Variants in LTBP1 observed in about 807,000 individuals in gnomAD.
LTBP1 encodes the protein latent-transforming growth factor beta-binding protein 1.
LTBP1 carries 129 observed loss-of-function variants against 207.6 expected under a neutral mutation model. The observed-to-expected ratio is 0.62, with a 90% confidence interval of 0.54 to 0.72. The LOEUF (loss-of-function observed/expected upper bound fraction) is 0.72. Ranked by LOEUF, LTBP1 falls within the 30% of genes least tolerant of loss-of-function variation. The pLI, the probability that LTBP1 is intolerant of heterozygous loss-of-function variation, is 0.00. For missense variants in LTBP1, 2,281 were observed against 2,217.2 expected (o/e 1.03, Z -0.58); for synonymous variants, 963 against 833.7 (o/e 1.16, Z -2.67).
intron 24 of LTBP1, among the ~76,000 whole-genome samples, chr2:33,325,199 C>T (rs2094411403): frequency 6.6e-6 from 1 of 152,190 alleles, no homozygotes; most frequent in Non-Finnish European, 1.5e-5. Flanking sequence ...ACAGCCAGCA[C>T]TGATGCTTGT....
chr2:33,303,348 TTTTC>T (rs1454042520), intron 22 of LTBP1, among the ~76,000 whole-genome samples: 163 of 125,994 alleles, frequency 1.3e-3, no homozygotes, highest in African/African-American at 4.0e-3. Context: ...ATTAGTTAGA[TTTTC>T]TTTTTTTTTT....
intron 3 of LTBP1, among the ~76,000 whole-genome samples, chr2:33,041,242 A>G (rs1157229869): frequency 6.6e-6 from 1 of 152,098 alleles, no homozygotes; most frequent in Non-Finnish European, 1.5e-5. Context: ...TTTTCTAGCT[A>G]GATGGCTATC....
intron 5 of LTBP1, among the ~76,000 whole-genome samples, chr2:33,158,535 T>C (rs1179585649): frequency 6.6e-6 from 1 of 152,182 alleles, no homozygotes; most frequent in Non-Finnish European, 1.5e-5. Flanking sequence ...GGGTGACTTA[T>C]AGTTCCCTGG....
chr2:33,371,440 C>G (rs1452501620), intron 31 of LTBP1, among the ~76,000 whole-genome samples: 1 of 152,132 alleles, frequency 6.6e-6, no homozygotes, highest in Non-Finnish European at 1.5e-5. Context: ...ATGTCAGCCT[C>G]TGAGAGACAG....
chr2:32,980,355 C>G (rs868405297), intron 2 of LTBP1, among the ~76,000 whole-genome samples: 38 of 152,088 alleles, frequency 2.5e-4, no homozygotes, highest in African/African-American at 8.4e-4. Context: ...ATGAGGCTTG[C>G]AGATACTGTC....
intron 31 of LTBP1, among the ~76,000 whole-genome samples, chr2:33,386,518 T>G (rs1553318316): frequency 6.6e-6 from 1 of 152,196 alleles, no homozygotes; most frequent in Non-Finnish European, 1.5e-5. Context: ...CATCTCTGGA[T>G]TTCACTTTAT....
intron 5 of LTBP1, among the ~76,000 whole-genome samples, chr2:33,139,166 T>C (rs2082427959): frequency 6.6e-6 from 1 of 152,118 alleles, no homozygotes; most frequent in South Asian, 2.1e-4. Context: ...CTAAAAAGTA[T>C]GTTCTCATAC....
intron 31 of LTBP1, among the ~76,000 whole-genome samples, chr2:33,387,736 G>GT (rs5830256): frequency 0.58 from 85,655 of 147,804 alleles, 25,223 homozygotes; most frequent in East Asian, 0.9. Flanking sequence ...CCTTGGTGGG[G>GT]TTTTTTTTTT....
At chr2:33,249,923 C>G (rs1053821707) in intron 10 of LTBP1, among the ~76,000 whole-genome samples, 1 of 152,148 alleles carries the variant, frequency 6.6e-6, no homozygotes, top group African/African-American at 2.4e-5. Flanking sequence ...TTCTTTAGTA[C>G]AGCATAAAAC....
intron 5 of LTBP1, among the ~76,000 whole-genome samples, chr2:33,176,261 C>T (rs926063826): frequency 3.9e-5 from 6 of 152,186 alleles, no homozygotes; most frequent in African/African-American, 1.4e-4. Flanking sequence ...GAGTCTCGCT[C>T]TGTCGCGCAG....
At chr2:33,397,032 T>C (rs1470686129) in intron 32 of LTBP1, 101 bp from the exon 33 acceptor site, 3 of 1,013,760 alleles carry the variant, frequency 3.0e-6, no homozygotes, top group Non-Finnish European at 4.4e-6. Flanking sequence ...TATGGACATA[T>C]ATGTGTCTAT....
chr2:33,255,173 T>C (rs1256924558), intron 11 of LTBP1, among the ~76,000 whole-genome samples: 5 of 141,572 alleles, frequency 3.5e-5, no homozygotes, highest in Non-Finnish European at 6.1e-5. Flanking sequence ...TGAGAATATG[T>C]GGTGTTTGGT....
At chr2:33,257,075 A>C (rs1437012899) in intron 11 of LTBP1, among the ~76,000 whole-genome samples, 2 of 151,762 alleles carry the variant, frequency 1.3e-5, no homozygotes, top group Non-Finnish European at 2.9e-5. Flanking sequence ...AAAAATGTTT[A>C]GTAAAAAAAA....
chr2:33,004,786 A>AATATATATATATATATAT (rs34777461), intron 2 of LTBP1, among the ~76,000 whole-genome samples: 1,289 of 100,816 alleles, frequency 0.013, 10 homozygotes, highest in East Asian at 0.017. Flanking sequence ...AAAAAAAAGG[A>AATATATATATATATATAT]ATATATATAT....
intron 15 of LTBP1, among the ~76,000 whole-genome samples, chr2:33,266,380 T>C (rs2093176819): frequency 6.6e-6 from 1 of 151,996 alleles, no homozygotes; most frequent in Non-Finnish European, 1.5e-5. Context: ...GGACAACATG[T>C]TGATGGAGGG....
At chr2:33,061,456 A>C (rs1048280917) in intron 3 of LTBP1, 1 of 152,134 alleles carries the variant, frequency 6.6e-6, no homozygotes, top group Non-Finnish European at 1.5e-5. Flanking sequence ...CCAGTATCTA[A>C]GTTATCTCAT....
At chr2:33,091,491 A>G (rs532367616) in intron 3 of LTBP1, among the ~76,000 whole-genome samples, 3 of 152,154 alleles carry the variant, frequency 2.0e-5, no homozygotes, top group Non-Finnish European at 4.4e-5. Flanking sequence ...AGGCGGTCCA[A>G]GGTCAACATC....
intron 3 of LTBP1, among the ~76,000 whole-genome samples, chr2:33,030,661 ATTAAT>A (rs1378871341): frequency 1.3e-5 from 2 of 152,218 alleles, no homozygotes; most frequent in Non-Finnish European, 2.9e-5. Flanking sequence ...GCTGCTTTGT[ATTAAT>A]TTAATTTAGT....
At chr2:33,349,265 C>T (rs1470991667) in intron 26 of LTBP1, among the ~76,000 whole-genome samples, 1 of 152,114 alleles carries the variant, frequency 6.6e-6, no homozygotes, top group Non-Finnish European at 1.5e-5. Context: ...GCCTGGCCAA[C>T]AAGGTGAAAC....
Sources: allele counts gnomAD v4.1 joint callset (sites outside exome capture counted in the v4.1 genomes callset), GRCh38; gene constraint gnomAD v4.1.1; transcripts MANE v1.5; gene names NCBI Gene and HGNC (gene_info 2026-07-23, HGNC 2026-07-21).